The following DLGAP2 variants were observed in gnomAD, a reference collection of about 807,000 sequenced individuals.
DLGAP2 encodes disks large-associated protein 2.
Under a neutral mutation model 100.3 loss-of-function variants are expected in DLGAP2, and 26 were observed. The ratio of observed to expected loss-of-function variants is 0.26; its 90% CI spans 0.19 to 0.36. The LOEUF (loss-of-function observed/expected upper bound fraction) is 0.36. Ranked by LOEUF, DLGAP2 falls within the 10% of genes least tolerant of loss-of-function variation. DLGAP2 has a pLI of 1.00. For synonymous variants in DLGAP2, 886 were observed against 630.1 expected (o/e 1.41, Z -6.08); for missense variants, 1,858 against 1,453.2 (o/e 1.28, Z -4.53).
At chr8:1,311,997 G>A (rs1346960556) in intron 3 of DLGAP2, among the ~76,000 whole-genome samples, 3 of 152,198 alleles carry the variant, frequency 2.0e-5, no homozygotes, top group South Asian at 2.1e-4. Context: ...GATCCAGCAG[G>A]CAGAAATTCA....
At chr8:1,335,017 C>T (rs1406514954) in intron 3 of DLGAP2, among the ~76,000 whole-genome samples, 1 of 152,184 alleles carries the variant, frequency 6.6e-6, no homozygotes, top group Non-Finnish European at 1.5e-5. Context: ...TTATAAGCAT[C>T]TAAGTAAATC....
Position 790,337 on chromosome 8 carries a change from T to G in DLGAP2, c.18+52512T>G, listed in dbSNP as rs991568667. ...GACAGGTGAAGCTGTAAGAGATGCTTGGAGATGACGTAACCAAAATGAAAA... is the reference window on the plus strand; with the variant it reads ...GACAGGTGAAGCTGTAAGAGATGCTGGGAGATGACGTAACCAAAATGAAAA... On this transcript the variant is annotated intron_variant, in intron 1 of 14. Coordinates refer to ENST00000637795, the MANE Select transcript of DLGAP2 (RefSeq NM_001346810.2). 1.7e-4 allele frequency among the ~76,000 whole-genome samples: 26 copies of G among 152,194 alleles called. 1 individual carries two copies. Among genetic ancestry groups the G allele is most frequent in the Non-Finnish European group, 2.9e-5 (2 of 68,024 alleles).
intron 3 of DLGAP2, among the ~76,000 whole-genome samples, chr8:1,331,154 A>G (rs1364391976): frequency 6.6e-6 from 1 of 152,192 alleles, no homozygotes; most frequent in African/African-American, 2.4e-5. Context: ...AATGGCCGTC[A>G]CAGTGCACTG....
At chr8:1,565,642 G>C (rs377473670) in intron 5 of DLGAP2, 41 bp from the exon 6 acceptor site, 3 of 1,545,954 alleles carry the variant, frequency 1.9e-6, no homozygotes, top group East Asian at 4.6e-5. Context: ...GCCGTTCTCA[G>C]TGACAAAGTT....
At chr8:1,369,212 C>T (rs1179882627) in intron 3 of DLGAP2, 4 of 152,168 alleles carry the variant, frequency 2.6e-5, no homozygotes, top group African/African-American at 9.7e-5. Context: ...TTACAAAATT[C>T]CACAGATAGT....
chr8:1,218,847 G>A (rs1321114017), intron 2 of DLGAP2, among the ~76,000 whole-genome samples: 2 of 152,010 alleles, frequency 1.3e-5, no homozygotes, highest in Admixed American at 1.3e-4. Context: ...TTCACCACCT[G>A]GTTAGCTGTA....
chr8:1,324,990 G>C (rs7003612), intron 3 of DLGAP2, among the ~76,000 whole-genome samples: 129,126 of 152,138 alleles, frequency 0.85, 55,149 homozygotes, highest in African/African-American at 0.94. Context: ...ACAAATATCC[G>C]AAACCACCCC....
chr8:954,461 T>TATAA (rs1799552104), intron 2 of DLGAP2, among the ~76,000 whole-genome samples: 1 of 152,212 alleles, frequency 6.6e-6, no homozygotes, highest in Non-Finnish European at 1.5e-5. Context: ...TGGAAACACA[T>TATAA]ATAAATGTTC....
At chr8:1,087,285 T>C (rs1039326236) in intron 2 of DLGAP2, among the ~76,000 whole-genome samples, 1 of 152,194 alleles carries the variant, frequency 6.6e-6, no homozygotes, top group Admixed American at 6.5e-5. Context: ...CCTCTCTGTC[T>C]CAATAAACAT....
chr8:814,519 C>A (rs916194220), intron 1 of DLGAP2, among the ~76,000 whole-genome samples: 2 of 152,044 alleles, frequency 1.3e-5, no homozygotes, highest in African/African-American at 4.8e-5. Context: ...TGATTCGGAT[C>A]CCATAAACCA....
intron 3 of DLGAP2, among the ~76,000 whole-genome samples, chr8:1,269,365 G>C (rs1419298236): frequency 6.6e-6 from 1 of 152,216 alleles, no homozygotes; most frequent in African/African-American, 2.4e-5. Flanking sequence ...CGCCCCGTGT[G>C]GCACGGCGTG....
At chr8:892,337 C>A (rs961410451) in intron 1 of DLGAP2, among the ~76,000 whole-genome samples, 1 of 152,120 alleles carries the variant, frequency 6.6e-6, no homozygotes. Flanking sequence ...TGAAGAGCGG[C>A]CCATCCACAC....
At chr8:1,420,590 TG>T (rs2129932382) in intron 3 of DLGAP2, among the ~76,000 whole-genome samples, 1 of 152,360 alleles carries the variant, frequency 6.6e-6, no homozygotes, top group East Asian at 1.9e-4. Flanking sequence ...TGATCTTCTA[TG>T]TTGAGCATCA....
chr8:1,483,664 G>GCAGGGAGGCAGGCGCAGGAGGTGGGGAC (rs1799163361), intron 3 of DLGAP2, among the ~76,000 whole-genome samples: 4 of 122,056 alleles, frequency 3.3e-5, no homozygotes, highest in East Asian at 4.9e-4. Flanking sequence ...TCTACACAGA[G>GCAGGGAGGCAGGCGCAGGAGGTGGGGAC]CAGGGAGGCA....
chr8:1,127,989 G>T (rs1796206065), intron 2 of DLGAP2, among the ~76,000 whole-genome samples: 1 of 152,206 alleles, frequency 6.6e-6, no homozygotes, highest in South Asian at 2.1e-4. Flanking sequence ...GTAAAACAAA[G>T]TAAACCAGGC....
chr8:1,073,354 G>A (rs1229947261), intron 2 of DLGAP2, among the ~76,000 whole-genome samples: 2 of 151,992 alleles, frequency 1.3e-5, no homozygotes, highest in Non-Finnish European at 2.9e-5. Flanking sequence ...ATAAAGTTTT[G>A]TAGTTAATAC....
chr8:865,958 C>T (rs1047235557), intron 1 of DLGAP2, among the ~76,000 whole-genome samples: 2 of 152,214 alleles, frequency 1.3e-5, no homozygotes, highest in Non-Finnish European at 2.9e-5. Flanking sequence ...ACATTCAAAA[C>T]AGGGCAAGGG....
chr8:825,787 A>T (rs1046462027), intron 1 of DLGAP2, among the ~76,000 whole-genome samples: 4 of 152,238 alleles, frequency 2.6e-5, no homozygotes, highest in Non-Finnish European at 4.4e-5. Context: ...CAAAATAATC[A>T]CATCAGGATG....
At chr8:893,614 C>G (rs1213757606) in intron 1 of DLGAP2, among the ~76,000 whole-genome samples, 1 of 152,214 alleles carries the variant, frequency 6.6e-6, no homozygotes, top group African/African-American at 2.4e-5. Context: ...CGGAAGCTGT[C>G]AGGAGGGTCT....
Sources: gnomAD v4.1 joint callset for allele counts (sites outside exome capture counted in the v4.1 genomes callset) on GRCh38, gnomAD v4.1.1 for gene constraint, MANE v1.5 for transcripts, NCBI Gene and HGNC (gene_info 2026-07-23, HGNC 2026-07-21) for gene names.